DNAH14: variants seen among roughly 807,000 people sequenced by gnomAD.
The protein encoded by DNAH14 is dynein axonemal heavy chain 14, also known as axonemal beta dynein heavy chain 14.
In DNAH14, 478 loss-of-function variants were observed where a neutral mutation model predicts 520.9. The ratio of observed to expected loss-of-function variants is 0.92; its 90% CI spans 0.85 to 0.99. The LOEUF (loss-of-function observed/expected upper bound fraction) is 0.99, where lower values mean the gene tolerates loss of function less well. Ranked by LOEUF, DNAH14 falls within the 50% of genes least tolerant of loss-of-function variation. The pLI, the probability that DNAH14 is intolerant of heterozygous loss-of-function variation, is 0.00. For missense variants in DNAH14, 4,831 were observed against 5,234.5 expected, an observed-to-expected ratio of 0.92 and a Z score of 2.38; for synonymous variants, 1,581 against 1,757.2, an observed-to-expected ratio of 0.90 and a Z score of 2.51.
At chr1:225,337,737 G>A (rs1574894527) in intron 67 of DNAH14, among the ~76,000 whole-genome samples, 1 of 152,152 alleles carries the variant, frequency 6.6e-6, no homozygotes, top group East Asian at 1.9e-4. Context: ...TAATTTTTGT[G>A]GGTACATAGT....
chr1:224,981,648 C>A (rs1558588583), intron 8 of DNAH14, among the ~76,000 whole-genome samples: 1 of 152,114 alleles, frequency 6.6e-6, no homozygotes, highest in Non-Finnish European at 1.5e-5. Flanking sequence ...TGTTTCGTTT[C>A]TCAGTGAGGT....
chr1:225,316,072 A>C (rs767345127), intron 60 of DNAH14, among the ~76,000 whole-genome samples: 4 of 152,302 alleles, frequency 2.6e-5, no homozygotes, highest in Non-Finnish European at 2.9e-5. Flanking sequence ...ATCTAGAGAG[A>C]GAGTCTGGCT....
chr1:225,116,626 T>A (rs777053746), intron 23 of DNAH14, among the ~76,000 whole-genome samples: 135 of 152,270 alleles, frequency 8.9e-4, no homozygotes, highest in South Asian at 2.5e-3. Flanking sequence ...TATGTCTGTA[T>A]CAAATAGCTC....
chr1:225,119,895 A>G (rs2077158673), intron 26 of DNAH14, among the ~76,000 whole-genome samples: 1 of 152,216 alleles, frequency 6.6e-6, no homozygotes, highest in African/African-American at 2.4e-5. Context: ...CTGAAGGCCA[A>G]TACAAGGTTT....
intron 1 of DNAH14, among the ~76,000 whole-genome samples, chr1:224,946,758 A>T (rs2059859924): frequency 6.6e-6 from 1 of 151,760 alleles, no homozygotes; most frequent in African/African-American, 2.4e-5. Context: ...CACTTTGGAA[A>T]ACTTTCTTTG....
chr1:225,189,702 T>A lies in DNAH14; in HGVS notation c.5671-2994T>A, dbSNP rs7538908. Among the ~76,000 whole-genome samples the A allele has an allele frequency of 5.0e-3, 762 of 152,152 alleles. 6 individuals carry two copies. Among genetic ancestry groups the A allele is most frequent in the African/African-American group, 0.017 (720 of 41,564 alleles). ...TGTCTTTGGGTCTAAAGTCAGTCTC[T>A]TGTATGCAACATATATTTGGATCAT... is the stretch of plus-strand genomic sequence containing the variant. On this transcript the variant is annotated intron_variant, in intron 37 of 85. Transcript: ENST00000682510.
chr1:224,977,982 T>A (rs573096136), intron 8 of DNAH14, among the ~76,000 whole-genome samples: 1 of 152,118 alleles, frequency 6.6e-6, no homozygotes, highest in South Asian at 2.1e-4. Context: ...TCACTCCAGA[T>A]AGAATGGCTG....
chr1:225,080,478 G>A lies in DNAH14; in HGVS notation c.2866G>A (p.Ala956Thr). The change falls in exon 19 of 86, where the codon GCT becomes ACT. Residue 956 changes from alanine to threonine, a missense_variant. Physicochemically the swap from Ala to Thr is moderately conservative, Grantham distance 58 (BLOSUM62 0). Transcript: ENST00000682510. ...GGAAGCTGCAAGTTTAACTAACAAAGCTAAAGCATATTCACATTATCAGGA... is the reference window on the plus strand; with the variant it reads ...GGAAGCTGCAAGTTTAACTAACAAAACTAAAGCATATTCACATTATCAGGA... ...SGEAASLTNK[A>T]KAYSHYQDCF... is the part of the protein sequence containing the mutation. 3 of 1,551,748 alleles carry A rather than the reference G, an allele frequency of 1.9e-6. No individual in the cohort carries two copies. Among genetic ancestry groups the A allele is most frequent in the Non-Finnish European group, 2.6e-6 (3 of 1,147,000 alleles).
At chr1:225,322,066 CT>C (rs2094563945) in intron 61 of DNAH14, among the ~76,000 whole-genome samples, 1 of 128,006 alleles carries the variant, frequency 7.8e-6, no homozygotes, top group South Asian at 2.9e-4. Context: ...ACAGTGAAGA[CT>C]TTTCTTTTTT....
intron 64 of DNAH14, among the ~76,000 whole-genome samples, chr1:225,326,220 G>A (rs565345063): frequency 6.6e-6 from 1 of 152,280 alleles, no homozygotes; most frequent in South Asian, 2.1e-4. Flanking sequence ...TAGTAAATTT[G>A]TTCAAGATCT....
At chr1:225,289,741 A>G (rs1308739682) in intron 54 of DNAH14, 144 bp from the exon 55 acceptor site, 1 of 487,544 alleles carries the variant, frequency 2.1e-6, no homozygotes, top group African/African-American at 2.0e-5. Context: ...ATTATGTTTA[A>G]TATGACTCCC....
Position 225,082,725 on chromosome 1 carries a change from C to T in DNAH14, c.3313C>T (p.Leu1105Phe). 6.5e-7 allele frequency: 1 copy of T among 1,544,624 alleles called. No individual in the cohort carries two copies. Among genetic ancestry groups the T allele is most frequent in the Non-Finnish European group, 8.7e-7 (1 of 1,145,220 alleles). The change falls in exon 20 of 86, where the codon CTT becomes TTT. Residue 1105 changes from leucine to phenylalanine, a missense_variant. Transcript: ENST00000682510. ...TGATAAAAACTGTAAAGTAGAGAAT[C>T]TTCTAGCTCTCAAGGTAAATAAAAA... is the stretch of plus-strand genomic sequence containing the variant. ...PLDKNCKVENLLALKMFQYEN... is the reference protein window; with the variant it reads ...PLDKNCKVENFLALKMFQYEN...
At chr1:225,002,721 T>C in intron 8 of DNAH14, 62 bp from the exon 9 acceptor site, 1 of 1,457,328 alleles carries the variant, frequency 6.9e-7, no homozygotes, top group Non-Finnish European at 9.3e-7. Context: ...ACTACTTACC[T>C]CTAAATTAAT....
At chr1:225,198,483 C>T (rs1236287965) in intron 38 of DNAH14, among the ~76,000 whole-genome samples, 1 of 152,154 alleles carries the variant, frequency 6.6e-6, no homozygotes, top group African/African-American at 2.4e-5. Flanking sequence ...TCCCAAAGTG[C>T]TGGGATTACA....
At chr1:225,027,357 C>T in intron 11 of DNAH14, among the ~76,000 whole-genome samples, 1 of 152,092 alleles carries the variant, frequency 6.6e-6, no homozygotes. Context: ...AACATACAGT[C>T]TTTCATCATT....
chr1:225,045,909 A>G (rs1268859890), intron 15 of DNAH14, among the ~76,000 whole-genome samples: 2 of 151,966 alleles, frequency 1.3e-5, no homozygotes, highest in Admixed American at 6.6e-5. Context: ...TAATTCTAAC[A>G]TTTATCAGTG....
intron 52 of DNAH14, among the ~76,000 whole-genome samples, chr1:225,274,197 A>T (rs2928386): frequency 0.23 from 20,977 of 91,676 alleles, 2,107 homozygotes; most frequent in East Asian, 0.37. Context: ...AGCATCTGTT[A>T]TTTTTTTTTT....
chr1:225,259,127 C>CTGGTG lies in DNAH14; in HGVS notation c.7033_7037dup (p.Gly2347ValfsTer15), dbSNP rs2149755375. 6.5e-7 allele frequency: 1 copy of CTGGTG among 1,543,212 alleles called. No homozygotes were observed. The highest frequency in any genetic ancestry group is 2.5e-5 in the East Asian group (1 of 40,492). On this transcript the variant is annotated frameshift_variant, in exon 46 of 86. Transcript: ENST00000682510. LOFTEE classifies it high-confidence loss of function. ...TGTGTATTTTTTCCCTTAGGAGAAT[C>CTGGTG]TGGTGTTGGGAAAACTGCTGCCATT...
intron 37 of DNAH14, among the ~76,000 whole-genome samples, chr1:225,192,451 AT>A (rs1054880867): frequency 1.6e-4 from 25 of 151,968 alleles, no homozygotes; most frequent in African/African-American, 5.3e-4. Context: ...TTAGGCACAG[AT>A]TTTTTTCCAC....
Sources: allele counts gnomAD v4.1 joint callset (sites outside exome capture counted in the v4.1 genomes callset), GRCh38; gene constraint gnomAD v4.1.1; transcripts MANE v1.5; gene names NCBI Gene and HGNC (gene_info 2026-07-23, HGNC 2026-07-21).